The following RALGAPA1 variants were observed in gnomAD, a reference collection of about 807,000 sequenced individuals.
RALGAPA1 encodes the protein Ral GTPase activating protein catalytic subunit alpha 1.
RALGAPA1 carries 52 observed loss-of-function variants against 269.6 expected under a neutral mutation model. The ratio of observed to expected loss-of-function variants is 0.19; its 90% CI spans 0.15 to 0.24. The LOEUF (loss-of-function observed/expected upper bound fraction) is 0.24, where lower values mean the gene tolerates loss of function less well. Among genes scored for constraint, RALGAPA1 ranks in the 10% least tolerant of loss-of-function variants. The pLI, the probability that RALGAPA1 is intolerant of heterozygous loss-of-function variation, is 1.00. For synonymous variants in RALGAPA1, 817 were observed against 1,008.3 expected (o/e 0.81, Z 3.60); for missense variants, 1,917 against 3,013.9 (o/e 0.64, Z 8.52).
chr14:35,686,727 GAAAC>G (rs1206133706), intron 18 of RALGAPA1, 61 bp from the exon 19 acceptor site: 3 of 986,490 alleles, frequency 3.0e-6, no homozygotes, highest in Non-Finnish European at 4.3e-6. Flanking sequence ...TTCTAACTTT[GAAAC>G]AAACAACAAC....
chr14:35,703,163 G>C (rs1408350878), intron 16 of RALGAPA1, among the ~76,000 whole-genome samples: 1 of 152,056 alleles, frequency 6.6e-6, no homozygotes, highest in Non-Finnish European at 1.5e-5. Flanking sequence ...TTGTGATTCT[G>C]AATGAATTCT....
At chr14:35,764,363 C>T (rs1360276873) in intron 4 of RALGAPA1, among the ~76,000 whole-genome samples, 1 of 150,740 alleles carries the variant, frequency 6.6e-6, no homozygotes, top group South Asian at 2.1e-4. Flanking sequence ...TGGGATTACA[C>T]GTGTGGGCCA....
chr14:35,635,047 TG>T (rs964709429), intron 32 of RALGAPA1, among the ~76,000 whole-genome samples: 2 of 151,912 alleles, frequency 1.3e-5, no homozygotes, highest in African/African-American at 4.8e-5. Context: ...GGTGGGCGCC[TG>T]TTATCCCAGC....
At chr14:35,682,378 G>A (rs954881989) in intron 21 of RALGAPA1, among the ~76,000 whole-genome samples, 1 of 151,644 alleles carries the variant, frequency 6.6e-6, no homozygotes, top group African/African-American at 2.4e-5. Flanking sequence ...TTGGCTCACT[G>A]CAAGCTCTGC....
chr14:35,801,248 C>CAG (rs1014799564), intron 1 of RALGAPA1, among the ~76,000 whole-genome samples: 1 of 106,872 alleles, frequency 9.4e-6, no homozygotes, highest in African/African-American at 6.7e-5. Flanking sequence ...TACACAGACA[C>CAG]ACACACACAC....
chr14:35,780,210 A>G (rs754045723), intron 1 of RALGAPA1, among the ~76,000 whole-genome samples: 23 of 152,234 alleles, frequency 1.5e-4, no homozygotes, highest in Non-Finnish European at 3.1e-4. Context: ...ACTTAACAAC[A>G]GAACTCCCAA....
intron 11 of RALGAPA1, among the ~76,000 whole-genome samples, chr14:35,741,831 C>A (rs2071581393): frequency 6.6e-6 from 1 of 152,204 alleles, no homozygotes; most frequent in South Asian, 2.1e-4. Context: ...CTTTTCTCAT[C>A]TTTTCCCTGC....
At chr14:35,739,907 T>C (rs1194940481) in intron 11 of RALGAPA1, among the ~76,000 whole-genome samples, 1 of 152,172 alleles carries the variant, frequency 6.6e-6, no homozygotes, top group Non-Finnish European at 1.5e-5. Context: ...GTTTCTAGAA[T>C]GTAATTAAAG....
At chr14:35,771,604 A>G (rs1449668066) in intron 3 of RALGAPA1, among the ~76,000 whole-genome samples, 1 of 152,196 alleles carries the variant, frequency 6.6e-6, no homozygotes, top group Non-Finnish European at 1.5e-5. Context: ...TGTTTTCCTA[A>G]TGATTAAATG....
chr14:35,652,791 G>T (rs1425282788), intron 30 of RALGAPA1, among the ~76,000 whole-genome samples: 1 of 151,922 alleles, frequency 6.6e-6, no homozygotes, highest in Admixed American at 6.6e-5. Context: ...AAATGAAAAA[G>T]ACATTATTTA....
At chr14:35,744,575 C>T (rs2071872592) in intron 10 of RALGAPA1, among the ~76,000 whole-genome samples, 1 of 152,032 alleles carries the variant, frequency 6.6e-6, no homozygotes, top group Non-Finnish European at 1.5e-5. Context: ...AGTCAGCTCC[C>T]AAGATGATGA....
chr14:35,786,948 G>GA (rs1190230176), intron 1 of RALGAPA1, among the ~76,000 whole-genome samples: 7 of 152,140 alleles, frequency 4.6e-5, no homozygotes, highest in Non-Finnish European at 8.8e-5. Context: ...TCATGCTTAT[G>GA]AACTACAAAA....
intron 16 of RALGAPA1, among the ~76,000 whole-genome samples, chr14:35,719,731 TAAAAG>T (rs774474778): frequency 6.6e-6 from 1 of 152,168 alleles, no homozygotes; most frequent in African/African-American, 2.4e-5. Context: ...AATTTAGACT[TAAAAG>T]AACAATTTCT....
chr14:35,748,898 A>C (rs1208241399), intron 9 of RALGAPA1, 74 bp from the exon 10 acceptor site: 1 of 1,453,332 alleles, frequency 6.9e-7, no homozygotes, highest in African/African-American at 1.4e-5. Flanking sequence ...GTCTTTTAAT[A>C]GGTAATACTG....
intron 27 of RALGAPA1, among the ~76,000 whole-genome samples, chr14:35,660,011 T>C (rs146295728): frequency 6.6e-6 from 1 of 152,166 alleles, no homozygotes; most frequent in Admixed American, 6.5e-5. Flanking sequence ...ACAAATGAGG[T>C]TGTAACTCAA....
intron 35 of RALGAPA1, among the ~76,000 whole-genome samples, chr14:35,624,094 A>T (rs1037487328): frequency 6.6e-6 from 1 of 151,398 alleles, no homozygotes; most frequent in African/African-American, 2.4e-5. Flanking sequence ...CTCAAAAAAA[A>T]AAAAAGTTAT....
At chr14:35,663,104 A>G (rs776763010) in intron 27 of RALGAPA1, among the ~76,000 whole-genome samples, 2 of 151,910 alleles carry the variant, frequency 1.3e-5, no homozygotes, top group African/African-American at 2.4e-5. Context: ...AGGTCTCCCT[A>G]TGTTTCCCAG....
Position 35,627,605 on chromosome 14 carries a change from C to A in RALGAPA1, c.6342G>T (p.Trp2114Cys), listed in dbSNP as rs775223835. ...GTGGGCCATACAGTATAGCAGAATC[C>A]CATGAATATTTTCCAGAGAGATCAC... is the stretch of plus-strand genomic sequence containing the variant. The part of the protein sequence containing the change: ...IVRDLSGKYS[W>C]DSAILYGPPP... Residue 2114 changes from tryptophan to cysteine, a missense_variant, in exon 34 of 42, where the codon TGG becomes TGT. Transcript: ENST00000680220. 2 of 1,577,982 alleles carry A rather than the reference C, an allele frequency of 1.3e-6. No individual in the cohort carries two copies. The highest frequency in any genetic ancestry group is 1.7e-6 in the Non-Finnish European group (2 of 1,163,554).
chr14:35,789,643 C>T (rs1048941796), intron 1 of RALGAPA1, among the ~76,000 whole-genome samples: 60 of 152,104 alleles, frequency 3.9e-4, no homozygotes, highest in African/African-American at 1.3e-3. Flanking sequence ...AGTTTCATCC[C>T]GAAACCATTC....
Sources: gnomAD v4.1 joint callset for allele counts (sites outside exome capture counted in the v4.1 genomes callset) on GRCh38, gnomAD v4.1.1 for gene constraint, MANE v1.5 for transcripts, NCBI Gene and HGNC (gene_info 2026-07-23, HGNC 2026-07-21) for gene names.